The following AVL9 variants were observed in gnomAD, a reference collection of about 807,000 sequenced individuals.
AVL9 encodes late secretory pathway protein AVL9 homolog.
Under a neutral mutation model 79.2 loss-of-function variants are expected in AVL9, and 49 were observed. The observed-to-expected ratio is 0.62, with a 90% CI of 0.49 to 0.79. The LOEUF (loss-of-function observed/expected upper bound fraction) is 0.79. AVL9 is among the 30% of genes least tolerant of loss of function. The pLI, the probability that AVL9 is intolerant of heterozygous loss-of-function variation, is 0.00. For missense variants in AVL9, 682 were observed against 776.8 expected, an observed-to-expected ratio of 0.88 and a Z score of 1.45; for synonymous variants, 299 against 280.6, an observed-to-expected ratio of 1.07 and a Z score of -0.65.
chr7:32,564,916 T>C (rs951521922), intron 10 of AVL9, among the ~76,000 whole-genome samples: 2 of 152,138 alleles, frequency 1.3e-5, no homozygotes, highest in Non-Finnish European at 2.9e-5. Flanking sequence ...GCTCCATCAC[T>C]TTCTAACCAG....
Position 32,511,236 on chromosome 7 carries a change from T to A in AVL9, c.93+15434T>A, listed in dbSNP as rs4723164. Among the ~76,000 whole-genome samples the A allele has an allele frequency of 2.9e-5, 4 of 140,324 alleles. 1 individual carries two copies. The highest frequency in any genetic ancestry group is 6.3e-5 in the Non-Finnish European group (4 of 63,228). The allele number at this position is 140,324 out of a possible 152,430, so 92.1% of individuals were successfully genotyped here. ...TGAGATTCATGAGCCATCAAGTCTCTTTGGGAGAATCCACAGTCCTGGCAA... is the reference window on the plus strand; with the variant it reads ...TGAGATTCATGAGCCATCAAGTCTCATTGGGAGAATCCACAGTCCTGGCAA... On this transcript the variant is annotated intron_variant, in intron 1 of 15. Coordinates refer to ENST00000318709, the MANE Select transcript of AVL9 (RefSeq NM_015060.3).
intron 1 of AVL9, among the ~76,000 whole-genome samples, chr7:32,515,687 T>TA (rs1787875147): frequency 6.6e-6 from 1 of 152,192 alleles, no homozygotes; most frequent in South Asian, 2.1e-4. Context: ...TGGTTAAAGT[T>TA]ATGATGCAGC....
intron 5 of AVL9, 128 bp from the exon 6 acceptor site, chr7:32,552,101 T>G (rs1396705752): frequency 3.2e-6 from 2 of 617,396 alleles, no homozygotes; most frequent in Non-Finnish European, 5.9e-6. Context: ...GGCTTGATTG[T>G]TTTTAAATTT....
In AVL9 at chr7:32,527,613, A is replaced by C. The variant is rs562489742; in HGVS notation, c.94-15528A>C. ...TAGCCCAGTCTGACCTAGAACAGTG[A>C]ATTGTCTGTAAGTCTTGCTGACTCT... On this transcript the variant is annotated intron_variant, in intron 1 of 15. Transcript: ENST00000318709. Among the ~76,000 whole-genome samples the C allele has an allele frequency of 2.0e-5, 3 of 152,244 alleles. No individual in the cohort carries two copies. In the South Asian group the frequency reaches 6.2e-4, roughly 32 times the overall value.
chr7:32,585,622 T>C lies in AVL9; in HGVS notation c.*1715T>C, dbSNP rs771016193. 2.0e-5 allele frequency: 3 copies of C among 152,242 alleles called. No homozygotes were observed. In the East Asian group the frequency reaches 5.8e-4, roughly 29 times the overall value. The allele number at this position is 152,242 out of a possible 1,614,324, so 9.4% of individuals were successfully genotyped here. ...TATTCCTCACTAAATGTTTAAGAAG[T>C]AAATGCTCCCAAGGCATTTGAAATG... On this transcript the variant is annotated 3_prime_UTR_variant, in exon 16 of 16. Transcript: ENST00000318709.
In AVL9 at chr7:32,584,005, G is replaced by T; in HGVS notation, c.*98G>T. ...TACTAGCCACAGATCCACAGCAGGG[G>T]ACCATATGTCGAACTGTTTACATGG... is the stretch of plus-strand genomic sequence containing the variant. On this transcript the variant is annotated 3_prime_UTR_variant, in exon 16 of 16. Transcript: ENST00000318709. 1.2e-6 allele frequency: 1 copy of T among 841,118 alleles called. No homozygotes were observed. Among genetic ancestry groups the T allele is most frequent in the Non-Finnish European group, 2.0e-6 (1 of 489,950 alleles). 52.1% of individuals were successfully genotyped at this position (841,118 alleles called of 1,614,324 possible).
chr7:32,529,512 A>G (rs1788552544), intron 1 of AVL9, among the ~76,000 whole-genome samples: 1 of 152,218 alleles, frequency 6.6e-6, no homozygotes, highest in African/African-American at 2.4e-5. Context: ...TTTCCCTTAA[A>G]TTTCATTTAG....
chr7:32,503,560 GA>G lies in AVL9; in HGVS notation c.93+7774del, dbSNP rs70992722. Among the ~76,000 whole-genome samples, 202 of 123,864 alleles carry G rather than the reference GA, an allele frequency of 1.6e-3. 1 individual carries two copies. Among genetic ancestry groups the G allele is most frequent in the African/African-American group, 4.9e-3 (160 of 32,546 alleles). 81.3% of individuals were successfully genotyped at this position (123,864 alleles called of 152,430 possible). A position where few individuals can be genotyped will look rare whatever the true frequency, so the allele number is the denominator to read the frequency against. On this transcript the variant is annotated intron_variant, in intron 1 of 15. Transcript: ENST00000318709. ...GACAGAGCAAGACTCCGTCTCAAGG[GA>G]AAAAAAAAAAAAAAACTAGATTTGA...
chr7:32,552,755 A>G (rs758152859), intron 6 of AVL9, among the ~76,000 whole-genome samples: 19 of 152,000 alleles, frequency 1.3e-4, no homozygotes, highest in Non-Finnish European at 2.6e-4. Context: ...TGTAGAGACA[A>G]GGTGTCCCTA....
intron 1 of AVL9, among the ~76,000 whole-genome samples, chr7:32,517,065 ATTG>A (rs1361986966): frequency 2.6e-5 from 4 of 152,036 alleles, no homozygotes; most frequent in Non-Finnish European, 5.9e-5. Context: ...CGTTTTTGTT[ATTG>A]TTAATTGTTT....
rs567614734 is a variant in AVL9 at position 32,495,579 on chromosome 7, A to G, written c.-131A>G. On this transcript the variant is annotated 5_prime_UTR_variant, in exon 1 of 16. Transcript: ENST00000318709. The stretch of plus-strand genomic sequence containing the variant: ...GGCGGGAGCTGCTTTGCCTCCACCG[A>G]TCTCCCTGTGCGGCCCTCATGTGCT... 73 of 494,178 alleles carry G rather than the reference A, an allele frequency of 1.5e-4. No individual in the cohort carries two copies. The highest frequency in any genetic ancestry group is 1.3e-3 in the African/African-American group (66 of 50,116). The allele number at this position is 494,178 out of a possible 1,614,324, so 30.6% of individuals were successfully genotyped here. A position where few individuals can be genotyped will look rare whatever the true frequency, so the allele number is the denominator to read the frequency against.
intron 13 of AVL9, among the ~76,000 whole-genome samples, chr7:32,578,109 G>A (rs941846907): frequency 1.6e-4 from 24 of 152,170 alleles, no homozygotes; most frequent in Admixed American, 1.3e-4. Context: ...CCAAAAACAG[G>A]TTATGGTGGT....
intron 1 of AVL9, among the ~76,000 whole-genome samples, chr7:32,519,380 A>T (rs1788042958): frequency 6.6e-6 from 1 of 151,412 alleles, no homozygotes; most frequent in Non-Finnish European, 1.5e-5. Flanking sequence ...GTGAGCTGAC[A>T]CTGCGCCACT....
rs1380986134 is a variant in AVL9 at position 32,507,171 on chromosome 7, C to T, written c.93+11369C>T. ...AGCTCCTGGGGTTTTTATGTATATC[C>T]TTGTCCCTCCCACCCAGAATCACAA... On this transcript the variant is annotated intron_variant, in intron 1 of 15. Transcript: ENST00000318709. Among the ~76,000 whole-genome samples the T allele has an allele frequency of 2.6e-5, 4 of 152,154 alleles. No individual in the cohort carries two copies. In the East Asian group the frequency reaches 7.7e-4, roughly 29 times the overall value.
chr7:32,553,693 T>A, intron 6 of AVL9, 34 bp from the exon 7 acceptor site: 1 of 1,566,508 alleles, frequency 6.4e-7, no homozygotes, highest in Non-Finnish European at 8.8e-7. Context: ...CATTACATTG[T>A]AGTCACACTT....
At chr7:32,565,149 G>A (rs748126189) in intron 10 of AVL9, among the ~76,000 whole-genome samples, 2 of 152,150 alleles carry the variant, frequency 1.3e-5, no homozygotes, top group African/African-American at 4.8e-5. Flanking sequence ...CTTGGAGCTC[G>A]GAGTCCCACC....
At chr7:32,531,627 G>A (rs927995062) in intron 1 of AVL9, 13 of 152,072 alleles carry the variant, frequency 8.5e-5, no homozygotes, top group African/African-American at 2.9e-4. Context: ...GGGAGCACAC[G>A]AGCGAATGAG....
At chr7:32,504,293 G>A (rs1562750424) in intron 1 of AVL9, among the ~76,000 whole-genome samples, 2 of 151,978 alleles carry the variant, frequency 1.3e-5, no homozygotes, top group Admixed American at 6.6e-5. Flanking sequence ...GGTTTTTATA[G>A]CTTTGATGAC....
At chr7:32,504,744 A>G (rs1190487309) in intron 1 of AVL9, among the ~76,000 whole-genome samples, 1 of 152,260 alleles carries the variant, frequency 6.6e-6, no homozygotes, top group Non-Finnish European at 1.5e-5. Context: ...CAGAAGTAAT[A>G]TTTAATGATA....
Sources: gnomAD v4.1 joint callset for allele counts (sites outside exome capture counted in the v4.1 genomes callset) on GRCh38, gnomAD v4.1.1 for gene constraint, MANE v1.5 for transcripts, NCBI Gene and HGNC (gene_info 2026-07-23, HGNC 2026-07-21) for gene names.